SNX29: variants seen among roughly 807,000 people sequenced by gnomAD.
The protein encoded by SNX29 is sorting nexin 29, also known as sorting nexin-29.
SNX29 carries 78 observed loss-of-function variants against 102.1 expected under a neutral mutation model. That is an observed-to-expected ratio of 0.76 (90% CI 0.64 to 0.92). The LOEUF (loss-of-function observed/expected upper bound fraction) is 0.92, where lower values mean the gene tolerates loss of function less well. SNX29 is among the 40% of genes least tolerant of loss of function. The pLI, the probability that SNX29 is intolerant of heterozygous loss-of-function variation, is 0.00. For missense variants in SNX29, 1,280 were observed against 1,061.7 expected (o/e 1.21, Z -2.86); for synonymous variants, 580 against 414.5 (o/e 1.40, Z -4.85).
At chr16:12,540,312 C>T (rs1000509353) in intron 20 of SNX29, among the ~76,000 whole-genome samples, 1 of 152,154 alleles carries the variant, frequency 6.6e-6, no homozygotes, top group Admixed American at 6.5e-5. Context: ...GCCCCACCCT[C>T]TTGGGACCAC....
chr16:12,058,494 G>T (rs59832971), intron 8 of SNX29, among the ~76,000 whole-genome samples: 399 of 15,770 alleles, frequency 0.025, 38 homozygotes, highest in African/African-American at 0.067. Flanking sequence ...TTTGGTTTTT[G>T]GTTTTTTTTT....
At chr16:12,124,461 A>G (rs3851014) in intron 11 of SNX29, among the ~76,000 whole-genome samples, 35,168 of 152,028 alleles carry the variant, frequency 0.23, 4,134 homozygotes, top group Middle Eastern at 0.32. Flanking sequence ...TGTGTGTTAG[A>G]TGTGCCCTTG....
At chr16:12,252,104 G>A (rs552016948) in intron 14 of SNX29, among the ~76,000 whole-genome samples, 3 of 152,224 alleles carry the variant, frequency 2.0e-5, no homozygotes, top group Non-Finnish European at 1.5e-5. Context: ...ATTCTCCCAA[G>A]CCCAGTTTAC....
intron 18 of SNX29, among the ~76,000 whole-genome samples, chr16:12,470,424 G>T (rs1333195446): frequency 6.6e-6 from 1 of 152,184 alleles, no homozygotes; most frequent in African/African-American, 2.4e-5. Flanking sequence ...CTCCTACGAG[G>T]TCCTCCTCCT....
intron 15 of SNX29, among the ~76,000 whole-genome samples, chr16:12,327,566 T>G (rs986437763): frequency 4.6e-5 from 7 of 152,100 alleles, no homozygotes; most frequent in African/African-American, 1.7e-4. Flanking sequence ...AGGGCCCACC[T>G]TAATGACCTC....
At chr16:12,282,857 G>C (rs1218210875) in intron 15 of SNX29, among the ~76,000 whole-genome samples, 2 of 152,052 alleles carry the variant, frequency 1.3e-5, no homozygotes, top group African/African-American at 4.8e-5. Flanking sequence ...GGGTTTCATC[G>C]TGTTGGCCAG....
chr16:12,108,192 A>G (rs1451759137), intron 11 of SNX29, among the ~76,000 whole-genome samples: 1 of 152,138 alleles, frequency 6.6e-6, no homozygotes, highest in Non-Finnish European at 1.5e-5. Context: ...GAGGAAGTTG[A>G]CTTTTACTAG....
chr16:12,477,673 T>C, intron 18 of SNX29, 46 bp from the exon 19 acceptor site: 2 of 1,597,884 alleles, frequency 1.3e-6, no homozygotes, highest in East Asian at 4.5e-5. Flanking sequence ...CCTACTCCTT[T>C]ATAATAAGGG....
chr16:12,518,919 C>A (rs2089984043), intron 19 of SNX29, among the ~76,000 whole-genome samples: 1 of 152,194 alleles, frequency 6.6e-6, no homozygotes, highest in Non-Finnish European at 1.5e-5. Flanking sequence ...GAAGTAGATG[C>A]AGTGTAGCCT....
At chr16:12,492,704 T>C (rs968769964) in intron 19 of SNX29, among the ~76,000 whole-genome samples, 11 of 152,234 alleles carry the variant, frequency 7.2e-5, no homozygotes, top group African/African-American at 2.7e-4. Flanking sequence ...AATTAATTTT[T>C]GTATAAGGTG....
At chr16:12,055,887 A>T (rs2050499911) in intron 8 of SNX29, among the ~76,000 whole-genome samples, 1 of 151,982 alleles carries the variant, frequency 6.6e-6, no homozygotes, top group Admixed American at 6.6e-5. Flanking sequence ...AAGTGCCTTT[A>T]TTCTTTTTTT....
In SNX29 at chr16:12,572,408, C is replaced by CT; in HGVS notation, c.*3780dup. 9.4e-7 allele frequency: 1 copy of CT among 1,063,782 alleles called. No individual in the cohort carries two copies. Among genetic ancestry groups the CT allele is most frequent in the Non-Finnish European group, 1.1e-6 (1 of 878,290 alleles). The allele number at this position is 1,063,782 out of a possible 1,614,324, so 65.9% of individuals were successfully genotyped here. A position where few individuals can be genotyped will look rare whatever the true frequency, so the allele number is the denominator to read the frequency against. On this transcript the variant is annotated 3_prime_UTR_variant, in exon 21 of 21. Transcript: ENST00000566228. ...TATCCCAACAGCCTGAGGCAGGGCT[C>CT]TGTGGCCCAGGCCGGCAGTGGCTGC...
intron 18 of SNX29, among the ~76,000 whole-genome samples, chr16:12,472,331 G>A (rs548901166): frequency 6.6e-6 from 1 of 152,184 alleles, no homozygotes; most frequent in South Asian, 2.1e-4. Flanking sequence ...GACCAGCCTG[G>A]CCAACATGGT....
At chr16:12,425,205 T>G (rs573573369) in intron 18 of SNX29, among the ~76,000 whole-genome samples, 9 of 152,310 alleles carry the variant, frequency 5.9e-5, no homozygotes, top group Non-Finnish European at 1.0e-4. Context: ...TGTGGGTCAC[T>G]TAGGTTTTCA....
chr16:12,376,736 C>CAAAAAAA (rs71408262), intron 16 of SNX29, among the ~76,000 whole-genome samples: 10 of 77,918 alleles, frequency 1.3e-4, no homozygotes, highest in African/African-American at 4.2e-4. Context: ...GACTCTGTCT[C>CAAAAAAA]AAAAAAAAAA....
At chr16:12,554,747 A>T (rs867779486) in intron 20 of SNX29, among the ~76,000 whole-genome samples, 1 of 151,920 alleles carries the variant, frequency 6.6e-6, no homozygotes, top group South Asian at 2.1e-4. Flanking sequence ...ATTTTCCTTA[A>T]GTGTATTAGA....
At chr16:12,273,782 A>G (rs2079162972) in intron 14 of SNX29, among the ~76,000 whole-genome samples, 1 of 152,148 alleles carries the variant, frequency 6.6e-6, no homozygotes, top group Non-Finnish European at 1.5e-5. Flanking sequence ...TCCTTCCCCC[A>G]GACCCTGGCA....
chr16:12,573,495 T>C lies in SNX29; in HGVS notation c.*4866T>C. 1 of 224,696 alleles carries C rather than the reference T, an allele frequency of 4.5e-6. No individual in the cohort carries two copies. The highest frequency in any genetic ancestry group is 8.9e-6 in the Non-Finnish European group (1 of 112,752). The allele number at this position is 224,696 out of a possible 1,614,324, so 13.9% of individuals were successfully genotyped here. On this transcript the variant is annotated 3_prime_UTR_variant, in exon 21 of 21. Coordinates refer to ENST00000566228, the MANE Select transcript of SNX29 (RefSeq NM_032167.5). ...TGCTGGCGGAAGATTCTAGATTCAC[T>C]GGTGGTTTAAGAGGCCCAGGGATTT...
chr16:12,451,876 C>G (rs971015924), intron 18 of SNX29, among the ~76,000 whole-genome samples: 2 of 152,116 alleles, frequency 1.3e-5, no homozygotes, highest in Non-Finnish European at 2.9e-5. Context: ...AATAAATAAA[C>G]AAACAGATGG....
Sources: allele counts gnomAD v4.1 joint callset (sites outside exome capture counted in the v4.1 genomes callset), GRCh38; gene constraint gnomAD v4.1.1; transcripts MANE v1.5; gene names NCBI Gene and HGNC (gene_info 2026-07-23, HGNC 2026-07-21).